Variants in IRS2 observed in about 807,000 individuals in gnomAD.
The protein encoded by IRS2 is insulin receptor substrate 2.
IRS2 carries 28 observed loss-of-function variants against 70.9 expected under a neutral mutation model. That is an observed-to-expected ratio of 0.39 (90% CI 0.29 to 0.54). The LOEUF (loss-of-function observed/expected upper bound fraction) is 0.54. Ranked by LOEUF, IRS2 falls within the 20% of genes least tolerant of loss-of-function variation. IRS2 has a pLI of 0.59. For missense variants in IRS2, 2,081 were observed against 2,024.1 expected (o/e 1.03, Z -0.54); for synonymous variants, 1,217 against 981.9 (o/e 1.24, Z -4.48).
rs34085083 is a variant in IRS2, at chr13:109,755,615, C to G, written c.*689G>C. ...ATATAATAATTATTATTTAGTAATCCGTCTTCAAAGTCCAATCCCAAATTT... is the reference window on the plus strand; with the variant it reads ...ATATAATAATTATTATTTAGTAATCGGTCTTCAAAGTCCAATCCCAAATTT... On this transcript the variant is annotated 3_prime_UTR_variant, in exon 2 of 2. Coordinates refer to ENST00000375856, the MANE Select transcript of IRS2 (RefSeq NM_003749.3). 1 of 202,242 alleles carries G rather than the reference C, an allele frequency of 4.9e-6. No homozygotes were observed. The highest frequency in any genetic ancestry group is 2.3e-5 in the African/African-American group (1 of 43,538). 12.5% of individuals were successfully genotyped at this position (202,242 alleles called of 1,614,324 possible).
rs777371775 is a variant in IRS2, at chr13:109,785,639, G to C, written c.415C>G (p.Leu139Val). ...CGGCCCTCGCTGACCAGGTCGGTGA[G>C]CGCGCGGTACCAGCCCTCCTGCTCC... ...EQEQEGWYRA[L>V]TDLVSEGRAA... Residue 139 changes from leucine (L) to valine (V), a missense_variant, in exon 1 of 2, where the codon CTC (leucine) becomes GTC (valine). Leu to Val is a conservative substitution (Grantham distance 32). This residue lies in a region of IRS2 where 320 missense variants were observed against 352.9 expected (regional missense o/e 0.91). Transcript: ENST00000375856. This position sits in a 1 kb window ranked among gnomAD's most constrained non-coding sequence, Gnocchi z 9.3. 1 of 1,549,886 alleles carries C rather than the reference G, an allele frequency of 6.5e-7. No individual in the cohort carries two copies. The highest frequency in any genetic ancestry group is 1.2e-5 in the South Asian group (1 of 84,966).
chr13:109,775,403 G>A (rs1877550953), intron 1 of IRS2, among the ~76,000 whole-genome samples: 1 of 152,032 alleles, frequency 6.6e-6, no homozygotes, highest in Non-Finnish European at 1.5e-5. Context: ...ACAGGCATGA[G>A]CCACCAAGCT....
At chr13:109,760,837 C>T (rs1033855058) in intron 1 of IRS2, among the ~76,000 whole-genome samples, 34 of 152,188 alleles carry the variant, frequency 2.2e-4, no homozygotes, top group African/African-American at 7.7e-4. Context: ...GGAAAGCTTC[C>T]TTGTAATATA....
Position 109,782,661 on chromosome 13 carries a change from G to A in IRS2, c.3393C>T (p.Arg1131=), listed in dbSNP as rs2138930338. The A allele has an allele frequency of 6.4e-7, 1 of 1,570,934 alleles. No homozygotes were observed. ...GGTCTGCGCGGATGACCTTGGCGCC[G>A]CGGTGGGGGTCCGGGGGCTGGCTGG... ...LQASQPPDPH[R]GAKVIRADPQ... is the part of the protein sequence containing the mutation. Residue 1131 remains arginine, a synonymous_variant, in exon 1 of 2, where the codon CGC becomes CGT. Transcript: ENST00000375856.
At chr13:109,771,431 G>A (rs1271436829) in intron 1 of IRS2, among the ~76,000 whole-genome samples, 2 of 151,956 alleles carry the variant, frequency 1.3e-5, no homozygotes, top group Non-Finnish European at 2.9e-5. Flanking sequence ...AAAGAGATTT[G>A]GTACTTTTGC....
At chr13:109,759,371 G>A (rs546542090) in intron 1 of IRS2, among the ~76,000 whole-genome samples, 4 of 152,258 alleles carry the variant, frequency 2.6e-5, no homozygotes, top group South Asian at 2.1e-4. Flanking sequence ...GCTTGGAAGC[G>A]CTCGCGGTGA....
In IRS2 at chr13:109,782,392, G is replaced by C. The variant is rs1440036848; in HGVS notation, c.3662C>G (p.Thr1221Ser). 1.2e-6 allele frequency: 2 copies of C among 1,608,950 alleles called. No homozygotes were observed. The highest frequency in any genetic ancestry group is 8.5e-7 in the Non-Finnish European group (1 of 1,178,178). ...GACCAAGCCCCCGGGCTGACCCGGG[G>C]TCCACGGCCGGCCCTGCGGTGCCAA... ...PPLAPQGRPW[T>S]PGQPGGLVGC... The change falls in exon 1 of 2, where the codon ACC (threonine) becomes AGC (serine). Residue 1221 changes from threonine to serine, a missense_variant. Thr to Ser is a moderately conservative substitution (Grantham distance 58). Around this residue, in one of 4 missense-constraint regions of IRS2, gnomAD observed 1,615 missense variants for 1,459.5 expected, o/e 1.11. Transcript: ENST00000375856.
At chr13:109,761,255 A>G (rs1877218999) in intron 1 of IRS2, among the ~76,000 whole-genome samples, 1 of 152,266 alleles carries the variant, frequency 6.6e-6, no homozygotes, top group South Asian at 2.1e-4. Flanking sequence ...CAGAGGCCAA[A>G]TTCATGGAGT....
chr13:109,780,653 G>C (rs1877675807), intron 1 of IRS2, among the ~76,000 whole-genome samples: 2 of 152,260 alleles, frequency 1.3e-5, no homozygotes, highest in South Asian at 4.1e-4. Flanking sequence ...GTCTATTTAA[G>C]AACAAAAGGC....
chr13:109,768,726 A>T (rs938072757), intron 1 of IRS2, among the ~76,000 whole-genome samples: 2 of 151,172 alleles, frequency 1.3e-5, no homozygotes, highest in South Asian at 2.1e-4. Flanking sequence ...TTTTTTTTTT[A>T]AATGACGGCT....
intron 1 of IRS2, among the ~76,000 whole-genome samples, chr13:109,771,796 C>T (rs1270058013): frequency 2.6e-5 from 4 of 152,164 alleles, no homozygotes. Context: ...TTTCTGCTGT[C>T]TGGGAAGTTC....
intron 1 of IRS2, among the ~76,000 whole-genome samples, chr13:109,767,395 G>T (rs1877359313): frequency 6.6e-6 from 1 of 152,098 alleles, no homozygotes; most frequent in Non-Finnish European, 1.5e-5. Context: ...CAAATTGCCA[G>T]AAGTTTGGAA....
chr13:109,778,340 C>T (rs1181182770), intron 1 of IRS2, among the ~76,000 whole-genome samples: 1 of 152,192 alleles, frequency 6.6e-6, no homozygotes, highest in Non-Finnish European at 1.5e-5. Flanking sequence ...ATGCTTCCTT[C>T]TATGAAGTAC....
chr13:109,775,423 A>C (rs564708043), intron 1 of IRS2, among the ~76,000 whole-genome samples: 1 of 152,264 alleles, frequency 6.6e-6, no homozygotes, highest in East Asian at 1.9e-4. Flanking sequence ...TCATCCAAGA[A>C]TGAATCATTC....
chr13:109,784,738 G>T lies in IRS2; in HGVS notation c.1316C>A (p.Pro439Gln), dbSNP rs1272680781. ...RSMSMPVAHSPPAATSPGSLS... is the reference protein window; with the variant it reads ...RSMSMPVAHSQPAATSPGSLS... ...GGAGCCGGGGCTGGTGGCGGCGGGC[G>T]GCGAGTGCGCCACGGGCATGGACAT... Residue 439 changes from proline (P) to glutamine (Q), a missense_variant, in exon 1 of 2, where the codon CCG becomes CAG. Pro to Gln is a moderately conservative substitution (Grantham distance 76, BLOSUM62 -1). Around this residue, in one of 4 missense-constraint regions of IRS2, gnomAD observed 1,615 missense variants for 1,459.5 expected, o/e 1.11. Coordinates refer to ENST00000375856, the MANE Select transcript of IRS2 (RefSeq NM_003749.3). The surrounding 1 kb of genome is among the most constrained non-coding windows in gnomAD (Gnocchi z 5.2). 8.1e-7 allele frequency: 1 copy of T among 1,231,638 alleles called. No homozygotes were observed. Among genetic ancestry groups the T allele is most frequent in the Non-Finnish European group, 1.0e-6 (1 of 987,904 alleles). 76.3% of individuals were successfully genotyped at this position (1,231,638 alleles called of 1,614,324 possible).
Position 109,784,785 on chromosome 13 carries a change from G to A in IRS2, c.1269C>T (p.Gly423=). Residue 423 remains glycine, a synonymous_variant, in exon 1 of 2, where the codon GGC becomes GGT. Transcript: ENST00000375856. This position sits in a 1 kb window ranked among gnomAD's most constrained non-coding sequence, Gnocchi z 5.2. ...GSKVALLPAG[G]ALQHSRSMSM... is the part of the protein sequence containing the mutation. ...ACATGGAGCGGCTGTGTTGCAGCGCGCCCCCTGCCGGCAGCAGCGCCACCT... is the reference window on the plus strand; with the variant it reads ...ACATGGAGCGGCTGTGTTGCAGCGCACCCCCTGCCGGCAGCAGCGCCACCT... 8.0e-7 allele frequency: 1 copy of A among 1,255,464 alleles called. No individual in the cohort carries two copies. The highest frequency in any genetic ancestry group is 1.0e-6 in the Non-Finnish European group (1 of 999,270). 77.8% of individuals were successfully genotyped at this position (1,255,464 alleles called of 1,614,324 possible).
chr13:109,772,764 C>A (rs973206436), intron 1 of IRS2, among the ~76,000 whole-genome samples: 2 of 149,892 alleles, frequency 1.3e-5, no homozygotes, highest in Non-Finnish European at 3.0e-5. Flanking sequence ...GGCGCGATCT[C>A]GGCTCACTGC....
chr13:109,762,987 A>T (rs1877259055), intron 1 of IRS2, among the ~76,000 whole-genome samples: 1 of 152,226 alleles, frequency 6.6e-6, no homozygotes, highest in East Asian at 1.9e-4. Flanking sequence ...CTGTCTCTGC[A>T]AATAAAGTTT....
Position 109,777,634 on chromosome 13 carries a change from G to A in IRS2, c.4012+4408C>T, listed in dbSNP as rs118010355. ...GAACCCCCAGACTAAACAATGAGTA[G>A]TCAAACAACCTCAGGGTTCTGTTTT... On this transcript the variant is annotated intron_variant, in intron 1 of 1. Coordinates refer to ENST00000375856, the MANE Select transcript of IRS2 (RefSeq NM_003749.3). 6.2e-3 allele frequency among the ~76,000 whole-genome samples: 942 copies of A among 152,300 alleles called. 4 individuals are homozygous for A. The highest frequency in any genetic ancestry group is 0.01 in the Non-Finnish European group (703 of 68,028).
Sources: gnomAD v4.1 joint callset for allele counts (sites outside exome capture counted in the v4.1 genomes callset) on GRCh38, gnomAD v4.1.1 for gene constraint, gnomAD v4.1.1 regional missense constraint, Gnocchi (gnomAD v3.1) non-coding constraint, MANE v1.5 for transcripts, NCBI Gene and HGNC (gene_info 2026-07-23, HGNC 2026-07-21) for gene names.